The following EFCAB5 variants were observed in gnomAD, a reference collection of about 807,000 sequenced individuals.
The protein encoded by EFCAB5 is EF-hand calcium-binding domain-containing protein 5.
EFCAB5 carries 131 observed loss-of-function variants against 167.9 expected under a neutral mutation model. That is an observed-to-expected ratio of 0.78 (90% CI 0.68 to 0.90). EFCAB5 has a LOEUF of 0.90. Ranked by LOEUF, EFCAB5 falls within the 40% of genes least tolerant of loss-of-function variation. The pLI is 0.00. For missense variants in EFCAB5, 1,663 were observed against 1,745.2 expected, an observed-to-expected ratio of 0.95 and a Z score of 0.84; for synonymous variants, 574 against 602.8, an observed-to-expected ratio of 0.95 and a Z score of 0.70.
intron 22 of EFCAB5, among the ~76,000 whole-genome samples, chr17:30,096,067 T>A (rs1473606931): frequency 6.6e-6 from 1 of 152,174 alleles, no homozygotes; most frequent in Non-Finnish European, 1.5e-5. Context: ...GCCTTTTAGT[T>A]ACGAGTTATG....
chr17:29,930,271 C>T (rs2067167899), intron 1 of EFCAB5: 3 of 497,918 alleles, frequency 6.0e-6, no homozygotes, highest in East Asian at 6.9e-5. Context: ...GCTACCGCCT[C>T]TCCCCTCGGC....
chr17:30,043,833 A>G (rs1349685037), intron 8 of EFCAB5, among the ~76,000 whole-genome samples: 3 of 152,198 alleles, frequency 2.0e-5, no homozygotes, highest in African/African-American at 4.8e-5. Context: ...CACAATTCCA[A>G]TCCAAATCCC....
At chr17:29,953,589 C>T (rs1458086564) in intron 3 of EFCAB5, among the ~76,000 whole-genome samples, 1 of 152,168 alleles carries the variant, frequency 6.6e-6, no homozygotes, top group Non-Finnish European at 1.5e-5. Flanking sequence ...TGAGGCCTCC[C>T]CAGCCACATG....
At chr17:30,104,035 C>G (rs1387058832) in intron 22 of EFCAB5, among the ~76,000 whole-genome samples, 1 of 152,118 alleles carries the variant, frequency 6.6e-6, no homozygotes, top group Non-Finnish European at 1.5e-5. Flanking sequence ...AAGAAATTTG[C>G]ATACACATAC....
intron 3 of EFCAB5, among the ~76,000 whole-genome samples, chr17:29,951,928 T>A (rs2067521640): frequency 6.6e-6 from 1 of 152,166 alleles, no homozygotes; most frequent in African/African-American, 2.4e-5. Context: ...TAATAATATC[T>A]CCTTAAGGTG....
chr17:30,022,983 G>A (rs958930302), intron 7 of EFCAB5, among the ~76,000 whole-genome samples: 7 of 151,728 alleles, frequency 4.6e-5, no homozygotes, highest in Admixed American at 1.3e-4. Context: ...TGAAACCAAC[G>A]AGAACAAAGA....
At chr17:29,953,974 G>A (rs1300536119) in intron 3 of EFCAB5, among the ~76,000 whole-genome samples, 1 of 152,212 alleles carries the variant, frequency 6.6e-6, no homozygotes, top group East Asian at 1.9e-4. Flanking sequence ...GAGACTGGCA[G>A]CATTTTGCCC....
intron 4 of EFCAB5, among the ~76,000 whole-genome samples, chr17:29,989,437 A>G (rs960207037): frequency 3.9e-5 from 6 of 152,366 alleles, no homozygotes; most frequent in Non-Finnish European, 7.3e-5. Context: ...ACACTTTCCA[A>G]TGAAAACACT....
chr17:30,009,309 G>C (rs1671293232), intron 7 of EFCAB5, among the ~76,000 whole-genome samples: 1 of 152,110 alleles, frequency 6.6e-6, no homozygotes, highest in African/African-American at 2.4e-5. Flanking sequence ...ATTTGCAGAG[G>C]AGTACAACCA....
chr17:29,967,622 T>C (rs890861824), intron 3 of EFCAB5, among the ~76,000 whole-genome samples: 6 of 152,316 alleles, frequency 3.9e-5, no homozygotes, highest in African/African-American at 1.4e-4. Flanking sequence ...AATTCCTGAC[T>C]CCTGAAGGCC....
intron 17 of EFCAB5, among the ~76,000 whole-genome samples, chr17:30,081,646 G>T (rs534630312): frequency 6.6e-6 from 1 of 152,284 alleles, no homozygotes; most frequent in South Asian, 2.1e-4. Flanking sequence ...ACTTGAACTT[G>T]CTATGCCCTT....
At chr17:30,042,618 A>G (rs2069805711) in intron 8 of EFCAB5, among the ~76,000 whole-genome samples, 1 of 152,236 alleles carries the variant, frequency 6.6e-6, no homozygotes, top group African/African-American at 2.4e-5. Flanking sequence ...ATATCCTTAT[A>G]TGTATAAAGA....
intron 14 of EFCAB5, among the ~76,000 whole-genome samples, chr17:30,068,433 A>T (rs2151813802): frequency 6.6e-6 from 1 of 152,268 alleles, no homozygotes; most frequent in South Asian, 2.1e-4. Context: ...GAATAAATAT[A>T]ACCAGGGAGG....
chr17:30,049,854 C>G (rs956552182), intron 8 of EFCAB5, among the ~76,000 whole-genome samples: 43 of 152,158 alleles, frequency 2.8e-4, no homozygotes, highest in African/African-American at 9.4e-4. Context: ...TCCAGTAATT[C>G]CACTTCTAGT....
intron 8 of EFCAB5, among the ~76,000 whole-genome samples, chr17:30,037,431 A>G (rs1000792724): frequency 1.3e-5 from 2 of 152,200 alleles, no homozygotes; most frequent in African/African-American, 4.8e-5. Context: ...GTCACAGTCA[A>G]CAAGTACTGT....
At position 30,038,439 on chromosome 17, in the gene EFCAB5, A is replaced by G. The variant is rs138744899; in HGVS notation, c.1200+4054A>G. Among the ~76,000 whole-genome samples, 10 of 152,352 alleles carry G rather than the reference A, an allele frequency of 6.6e-5. No homozygotes were observed. In the East Asian group the frequency reaches 1.9e-3, roughly 29 times the overall value. Reference sequence around the variant, plus strand: ...CTGCTCAGAAAAAAAGATTCCTTTCAAAATATTACTGTTCATTGAGATGCG... The same window carrying G: ...CTGCTCAGAAAAAAAGATTCCTTTCGAAATATTACTGTTCATTGAGATGCG... On this transcript the variant is annotated intron_variant, in intron 8 of 22. Transcript: ENST00000394835.
At chr17:30,060,999 T>A (rs1404354346) in intron 14 of EFCAB5, among the ~76,000 whole-genome samples, 1 of 152,188 alleles carries the variant, frequency 6.6e-6, no homozygotes, top group Non-Finnish European at 1.5e-5. Context: ...AAGGGTAATG[T>A]TATAAGGAAG....
At chr17:30,036,721 C>A (rs965104701) in intron 8 of EFCAB5, among the ~76,000 whole-genome samples, 21 of 152,272 alleles carry the variant, frequency 1.4e-4, no homozygotes, top group Non-Finnish European at 5.9e-5. Flanking sequence ...GCCACCACAT[C>A]CAGCCTCGAA....
Position 30,092,151 on chromosome 17 carries a change from T to TA in EFCAB5, c.4221dup (p.Phe1408IlefsTer4), listed in dbSNP as rs769938442. 2.5e-6 allele frequency: 4 copies of TA among 1,602,130 alleles called. No homozygotes were observed. The Admixed American group carries it at 5.2e-5, about 21-fold the overall frequency. On this transcript the variant is annotated frameshift_variant, in exon 21 of 23. Transcript: ENST00000394835. LOFTEE classifies it high-confidence loss of function. ...GTGACTTTGGAAGTTGGGATAAGTG[T>TA]AAATTTGTAAGTTTTTTTTTAAAAA...
Sources: gnomAD v4.1 joint callset for allele counts (sites outside exome capture counted in the v4.1 genomes callset) on GRCh38, gnomAD v4.1.1 for gene constraint, MANE v1.5 for transcripts, NCBI Gene and HGNC (gene_info 2026-07-23, HGNC 2026-07-21) for gene names.